GRB10: variants seen among roughly 807,000 people sequenced by gnomAD.
GRB10 encodes growth factor receptor-bound protein 10.
Under a neutral mutation model 80.9 loss-of-function variants are expected in GRB10, and 20 were observed. The ratio of observed to expected loss-of-function variants is 0.25; its 90% confidence interval spans 0.17 to 0.36. The LOEUF (loss-of-function observed/expected upper bound fraction) is 0.36, where lower values mean the gene tolerates loss of function less well. Ranked by LOEUF, GRB10 falls within the 10% of genes least tolerant of loss-of-function variation. The probability of loss-of-function intolerance (pLI) is 1.00; values close to 1 mark genes in which losing one functional copy is unlikely to be tolerated. For synonymous variants in GRB10, 291 were observed against 291.5 expected (o/e 1.00, Z 0.02); for missense variants, 548 against 747.7 (o/e 0.73, Z 3.12).
intron 7 of GRB10, among the ~76,000 whole-genome samples, chr7:50,667,153 C>A (rs1302485507): frequency 6.6e-6 from 1 of 151,918 alleles, no homozygotes; most frequent in Admixed American, 6.6e-5. Flanking sequence ...TTTCCTTTCT[C>A]ATGGAAGTTT....
At chr7:50,693,370 C>T (rs2063056114) in intron 5 of GRB10, among the ~76,000 whole-genome samples, 2 of 152,296 alleles carry the variant, frequency 1.3e-5, no homozygotes, top group South Asian at 4.1e-4. Flanking sequence ...CTACACTTCC[C>T]CTGTTACTAG....
upstream of GRB10, among the ~76,000 whole-genome samples, chr7:50,783,956 G>A (rs765017379): frequency 1.1e-4 from 16 of 152,144 alleles, no homozygotes; most frequent in Non-Finnish European, 8.8e-5. Context: ...GAGGTTCCAC[G>A]GTGGTCATGA....
chr7:50,676,713 A>C (rs896796056), intron 5 of GRB10, among the ~76,000 whole-genome samples: 7 of 152,154 alleles, frequency 4.6e-5, no homozygotes, highest in African/African-American at 1.7e-4. Flanking sequence ...AGGAAACAAA[A>C]CAACAACAAT....
intron 3 of GRB10, among the ~76,000 whole-genome samples, chr7:50,750,477 C>A (rs1241444629): frequency 1.3e-5 from 2 of 152,196 alleles, no homozygotes; most frequent in Admixed American, 6.5e-5. Flanking sequence ...CATTCACCCT[C>A]CATTTCAGGG....
intron 17 of GRB10, among the ~76,000 whole-genome samples, chr7:50,599,645 G>A (rs941007184): frequency 1.3e-5 from 2 of 152,254 alleles, no homozygotes; most frequent in Non-Finnish European, 2.9e-5. Context: ...TGAAGAATAA[G>A]ACGGGCGGCA....
chr7:50,781,883 G>C (rs2078320382), intron 1 of GRB10, among the ~76,000 whole-genome samples: 1 of 152,360 alleles, frequency 6.6e-6, no homozygotes, highest in South Asian at 2.1e-4. Context: ...GGAGAAAGAG[G>C]TTTTCATGGA....
intron 6 of GRB10, among the ~76,000 whole-genome samples, chr7:50,673,007 G>A (rs1365571425): frequency 6.6e-6 from 1 of 152,204 alleles, no homozygotes; most frequent in African/African-American, 2.4e-5. Flanking sequence ...GACCACGGGC[G>A]CCAGGGCCGC....
chr7:50,773,508 G>C (rs1359920187), intron 2 of GRB10, among the ~76,000 whole-genome samples: 1 of 137,596 alleles, frequency 7.3e-6, no homozygotes, highest in Non-Finnish European at 1.6e-5. Context: ...GAGGGGAGGG[G>C]AGAGGAGAGG....
chr7:50,609,009 G>GAAAATAGT (rs2049019360), intron 13 of GRB10, among the ~76,000 whole-genome samples: 1 of 147,930 alleles, frequency 6.8e-6, no homozygotes, highest in African/African-American at 2.5e-5. Context: ...GTAACCAGGA[G>GAAAATAGT]AAAATAGTAA....
At chr7:50,767,342 C>G (rs1240648123) in intron 2 of GRB10, among the ~76,000 whole-genome samples, 1 of 152,034 alleles carries the variant, frequency 6.6e-6, no homozygotes, top group Non-Finnish European at 1.5e-5. Context: ...CAGGTGCAGG[C>G]AAGCATGGGA....
intron 15 of GRB10, 185 bp downstream of exon 15, chr7:50,605,105 C>A (rs1174065079): frequency 1.6e-6 from 1 of 619,256 alleles, no homozygotes; most frequent in Admixed American, 2.8e-5. Flanking sequence ...CGGGGAAAGG[C>A]TGGGTGCTGG....
At chr7:50,742,210 G>A (rs1218184496) in intron 3 of GRB10, among the ~76,000 whole-genome samples, 2 of 151,886 alleles carry the variant, frequency 1.3e-5, no homozygotes, top group East Asian at 1.9e-4. Flanking sequence ...TTAATAACAG[G>A]CACTTGGCTC....
At chr7:50,656,906 C>A (rs1434244933) in intron 7 of GRB10, among the ~76,000 whole-genome samples, 2 of 152,232 alleles carry the variant, frequency 1.3e-5, no homozygotes, top group African/African-American at 4.8e-5. Flanking sequence ...AATCTGACTT[C>A]TAGGGTCTAC....
chr7:50,702,433 G>A (rs2064375863), intron 5 of GRB10, among the ~76,000 whole-genome samples: 1 of 152,204 alleles, frequency 6.6e-6, no homozygotes, highest in Non-Finnish European at 1.5e-5. Context: ...ACTATTCAAT[G>A]CTCTGTGGAC....
intron 7 of GRB10, among the ~76,000 whole-genome samples, chr7:50,643,664 C>A (rs2056684122): frequency 6.6e-6 from 1 of 152,150 alleles, no homozygotes; most frequent in African/African-American, 2.4e-5. Context: ...AAGTGAGTAA[C>A]CCTGTTTTTA....
chr7:50,701,912 CT>C (rs145369824), intron 5 of GRB10, among the ~76,000 whole-genome samples: 1 of 152,130 alleles, frequency 6.6e-6, no homozygotes, highest in Non-Finnish European at 1.5e-5. Context: ...CATGGTCACA[CT>C]TTTTTTTGTT....
intron 5 of GRB10, among the ~76,000 whole-genome samples, chr7:50,701,864 T>A (rs559207246): frequency 3.8e-4 from 58 of 152,372 alleles, no homozygotes; most frequent in African/African-American, 1.3e-3. Context: ...TATTCTTTCA[T>A]GCATCTGTCT....
At chr7:50,676,269 C>T (rs753938945) in intron 5 of GRB10, among the ~76,000 whole-genome samples, 1 of 144,374 alleles carries the variant, frequency 6.9e-6, no homozygotes, top group Non-Finnish European at 1.5e-5. Flanking sequence ...GGGCCCAGGA[C>T]GTGGGCTTCC....
At chr7:50,775,864 T>A (rs543304204) in intron 2 of GRB10, among the ~76,000 whole-genome samples, 15 of 152,262 alleles carry the variant, frequency 9.9e-5, no homozygotes, top group African/African-American at 3.6e-4. Context: ...TGAGCCCCCT[T>A]GAGCTACAGC....
Sources: allele counts gnomAD v4.1 joint callset (sites outside exome capture counted in the v4.1 genomes callset), GRCh38; gene constraint gnomAD v4.1.1; transcripts MANE v1.5; gene names NCBI Gene and HGNC (gene_info 2026-07-23, HGNC 2026-07-21).